The following COL23A1 variants were observed in gnomAD, a reference collection of about 807,000 sequenced individuals.
The protein encoded by COL23A1 is collagen alpha-1(XXIII) chain.
A neutral mutation model predicts 99.3 loss-of-function variants in COL23A1; 97 were observed. That is an observed-to-expected ratio of 0.98 (90% CI 0.83 to 1.16). The LOEUF is 1.16. COL23A1 is among the 50% of genes most tolerant of loss of function. The pLI is 0.00. For synonymous variants in COL23A1, 320 were observed against 308.2 expected, an observed-to-expected ratio of 1.04 and a Z score of -0.40; for missense variants, 762 against 757.4, an observed-to-expected ratio of 1.01 and a Z score of -0.07.
At chr5:178,319,350 A>C (rs1044762569) in intron 2 of COL23A1, among the ~76,000 whole-genome samples, 8 of 152,220 alleles carry the variant, frequency 5.3e-5, no homozygotes, top group Non-Finnish European at 1.2e-4. Flanking sequence ...TACTCCTCTG[A>C]ACTTAACGAA....
chr5:178,397,804 T>G (rs561791277), intron 2 of COL23A1, among the ~76,000 whole-genome samples: 6 of 152,042 alleles, frequency 3.9e-5, no homozygotes, highest in African/African-American at 1.2e-4. Context: ...CTGGCCAACA[T>G]GGTGAAACCC....
intron 2 of COL23A1, among the ~76,000 whole-genome samples, chr5:178,498,205 A>AATATATATATATATATATAT (rs1159261586): frequency 2.9e-5 from 1 of 34,708 alleles, no homozygotes; most frequent in Non-Finnish European, 5.5e-5. Context: ...TCTTTATTTA[A>AATATATATATATATATATAT]ATATATATAT....
At chr5:178,492,487 G>C (rs1320247232) in intron 2 of COL23A1, among the ~76,000 whole-genome samples, 1 of 152,170 alleles carries the variant, frequency 6.6e-6, no homozygotes, top group Non-Finnish European at 1.5e-5. Context: ...TGGACTTCCA[G>C]CCTTGAGACT....
intron 2 of COL23A1, among the ~76,000 whole-genome samples, chr5:178,422,793 T>A (rs1765707382): frequency 6.6e-6 from 1 of 152,190 alleles, no homozygotes; most frequent in African/African-American, 2.4e-5. Flanking sequence ...ATTACCAGAC[T>A]ATGTCATTAT....
chr5:178,533,293 T>C lies in COL23A1; in HGVS notation c.361+27389A>G, dbSNP rs569235804. On this transcript the variant is annotated intron_variant, in intron 2 of 28. Transcript: ENST00000390654. Reference sequence around the variant, plus strand: ...CAATGTTGTGCAACCATCACCACCATCCGTTGCTAGAACGTTTTCATCATC... The same window carrying C: ...CAATGTTGTGCAACCATCACCACCACCCGTTGCTAGAACGTTTTCATCATC... 5.3e-4 allele frequency among the ~76,000 whole-genome samples: 81 copies of C among 152,282 alleles called. 1 individual carries two copies. Among genetic ancestry groups the C allele is most frequent in the Non-Finnish European group, 7.4e-4 (50 of 68,016 alleles).
chr5:178,298,365 C>G (rs961044365), intron 3 of COL23A1, among the ~76,000 whole-genome samples: 2 of 152,172 alleles, frequency 1.3e-5, no homozygotes, highest in African/African-American at 4.8e-5. Flanking sequence ...CGATGCCCAC[C>G]TTAAGCTCTT....
chr5:178,361,511 G>A (rs904298615), intron 2 of COL23A1, among the ~76,000 whole-genome samples: 6 of 151,980 alleles, frequency 3.9e-5, no homozygotes, highest in Non-Finnish European at 5.9e-5. Flanking sequence ...ATTCCTCTGC[G>A]GGCTCCACCT....
intron 2 of COL23A1, among the ~76,000 whole-genome samples, chr5:178,406,618 C>T (rs1764778799): frequency 6.6e-6 from 1 of 151,928 alleles, no homozygotes; most frequent in African/African-American, 2.4e-5. Context: ...TTAGTAGAGA[C>T]AGGATTTCAC....
chr5:178,304,513 A>C, intron 3 of COL23A1, among the ~76,000 whole-genome samples: 1 of 149,968 alleles, frequency 6.7e-6, no homozygotes, highest in African/African-American at 2.5e-5. Flanking sequence ...CTCAAAAAAA[A>C]AAAAAAAAAA....
intron 2 of COL23A1, among the ~76,000 whole-genome samples, chr5:178,437,413 G>A (rs1766618661): frequency 1.3e-5 from 2 of 152,178 alleles, no homozygotes; most frequent in South Asian, 2.1e-4. Context: ...CGGGTCCAGG[G>A]AGCAGGAGGT....
At chr5:178,276,934 C>T (rs1244785468) in intron 5 of COL23A1, among the ~76,000 whole-genome samples, 2 of 152,172 alleles carry the variant, frequency 1.3e-5, no homozygotes, top group African/African-American at 4.8e-5. Context: ...AGCGCTTGCA[C>T]CAAGGTCAGA....
At chr5:178,250,016 AATAC>A (rs770656767) in intron 18 of COL23A1, 41 bp downstream of exon 18, 1 of 1,605,082 alleles carries the variant, frequency 6.2e-7, no homozygotes, top group South Asian at 1.1e-5. Flanking sequence ...CACAGAGCCC[AATAC>A]CAGGCACTGG....
intron 2 of COL23A1, among the ~76,000 whole-genome samples, chr5:178,325,435 C>T (rs1230679296): frequency 6.6e-6 from 1 of 152,166 alleles, no homozygotes; most frequent in Non-Finnish European, 1.5e-5. Flanking sequence ...CTGGCCTGGA[C>T]ATGCTACACC....
chr5:178,577,228 C>T (rs1237215293), intron 1 of COL23A1, among the ~76,000 whole-genome samples: 3 of 152,168 alleles, frequency 2.0e-5, no homozygotes, highest in African/African-American at 4.8e-5. Flanking sequence ...CGCGTCCTGG[C>T]GGGGCCTGCT....
chr5:178,575,710 T>A (rs1763314868), intron 1 of COL23A1, among the ~76,000 whole-genome samples: 1 of 152,282 alleles, frequency 6.6e-6, no homozygotes, highest in Non-Finnish European at 1.5e-5. Flanking sequence ...GGAGACTGAT[T>A]GCTGTGAGAG....
chr5:178,444,982 T>C (rs1438236620), intron 2 of COL23A1, among the ~76,000 whole-genome samples: 5 of 152,194 alleles, frequency 3.3e-5, no homozygotes, highest in Admixed American at 3.3e-4. Context: ...TCACGTGTGT[T>C]CAATAAATGT....
chr5:178,278,668 GC>G (rs940176001), intron 5 of COL23A1, among the ~76,000 whole-genome samples: 1 of 151,600 alleles, frequency 6.6e-6, no homozygotes, highest in Non-Finnish European at 1.5e-5. Flanking sequence ...CCTCCGCCAG[GC>G]CCCCTACCTC....
At chr5:178,357,761 C>G (rs4976722) in intron 2 of COL23A1, among the ~76,000 whole-genome samples, 1 of 137,846 alleles carries the variant, frequency 7.3e-6, no homozygotes, top group Non-Finnish European at 1.6e-5. Flanking sequence ...TGTGTGTGTA[C>G]GTGTATGTAT....
intron 2 of COL23A1, among the ~76,000 whole-genome samples, chr5:178,463,421 C>T (rs1291351948): frequency 6.6e-6 from 1 of 152,098 alleles, no homozygotes; most frequent in Non-Finnish European, 1.5e-5. Context: ...GAAACTGTTA[C>T]CGGGTCTGGA....
Sources: gnomAD v4.1 joint callset for allele counts (sites outside exome capture counted in the v4.1 genomes callset) on GRCh38, gnomAD v4.1.1 for gene constraint, MANE v1.5 for transcripts, NCBI Gene and HGNC (gene_info 2026-07-23, HGNC 2026-07-21) for gene names.